Variants in CSGALNACT1 observed in about 807,000 individuals in gnomAD.
CSGALNACT1 encodes beta4GalNAcT-1.
Under a neutral mutation model 51.0 loss-of-function variants are expected in CSGALNACT1, and 52 were observed. The observed-to-expected ratio is 1.02, with a 90% CI of 0.82 to 1.29. The LOEUF is 1.29. CSGALNACT1 is among the 50% of genes most tolerant of loss of function. The pLI, the probability that CSGALNACT1 is intolerant of heterozygous loss-of-function variation, is 0.00. For synonymous variants in CSGALNACT1, 341 were observed against 254.4 expected (o/e 1.34, Z -3.24); for missense variants, 935 against 679.2 (o/e 1.38, Z -4.19).
At chr8:19,462,646 C>A (rs889549742) in intron 4 of CSGALNACT1, among the ~76,000 whole-genome samples, 1 of 152,180 alleles carries the variant, frequency 6.6e-6, no homozygotes, top group Non-Finnish European at 1.5e-5. Context: ...GGTCACAGCA[C>A]CCAGGCTCAC....
rs1368493557 is a variant in CSGALNACT1 at position 19,439,974 on chromosome 8, C to CTGACAGGCA, written c.852-52_852-44dup. 9.4e-6 allele frequency: 14 copies of CTGACAGGCA among 1,487,144 alleles called. No individual in the cohort carries two copies. In the Admixed American group the frequency reaches 2.3e-4, roughly 25 times the overall value. 92.1% of individuals were successfully genotyped at this position (1,487,144 alleles called of 1,614,324 possible). A position where few individuals can be genotyped will look rare whatever the true frequency, so the allele number is the denominator to read the frequency against. ...TGCATGTCTGGCACCTGTTTTCACACTGACAGGCACAGCACAAACCAATAC... is the reference window on the plus strand; with the variant it reads ...TGCATGTCTGGCACCTGTTTTCACACTGACAGGCATGACAGGCACAGCACAAACCAATAC... On this transcript the variant is annotated intron_variant, in intron 5 of 9. Coordinates refer to ENST00000454498, the Ensembl canonical transcript of CSGALNACT1.
At chr8:19,644,333 C>G (rs1352977363) in intron 1 of CSGALNACT1, among the ~76,000 whole-genome samples, 1 of 148,816 alleles carries the variant, frequency 6.7e-6, no homozygotes, top group African/African-American at 2.5e-5. Context: ...TAGTATATTT[C>G]TTTTTTGTTT....
intron 1 of CSGALNACT1, chr8:19,641,900 C>T (rs551457421): frequency 1.3e-5 from 2 of 152,286 alleles, no homozygotes; most frequent in Admixed American, 6.5e-5. Context: ...TTTGTGGGCT[C>T]CATGAGGTTT....
At chr8:19,532,083 T>C (rs1329973921) in intron 3 of CSGALNACT1, 1 of 152,162 alleles carries the variant, frequency 6.6e-6, no homozygotes, top group Admixed American at 6.5e-5. Flanking sequence ...CTGTAAATTC[T>C]AGGCTCTGTT....
chr8:19,605,573 G>T (rs1051896874), upstream of CSGALNACT1, among the ~76,000 whole-genome samples: 1 of 152,172 alleles, frequency 6.6e-6, no homozygotes, highest in Non-Finnish European at 1.5e-5. Flanking sequence ...GAGCATTATG[G>T]AAGAGCTCAT....
At chr8:19,431,806 C>CT (rs1475369541) in intron 6 of CSGALNACT1, among the ~76,000 whole-genome samples, 1 of 112,424 alleles carries the variant, frequency 8.9e-6, no homozygotes, top group Admixed American at 1.1e-4. Context: ...GTGGAAAGTT[C>CT]TTTTTTCTTT....
chr8:19,748,526 G>A (rs552081959), intron 1 of CSGALNACT1, among the ~76,000 whole-genome samples: 6 of 152,018 alleles, frequency 3.9e-5, no homozygotes, highest in South Asian at 4.2e-4. Context: ...TTTCTTTCCC[G>A]TCCCTCTCTG....
At chr8:19,604,745 T>TAAAAA (rs36019022), upstream of CSGALNACT1, among the ~76,000 whole-genome samples, 3 of 130,334 alleles carry the variant, frequency 2.3e-5, no homozygotes, top group African/African-American at 5.8e-5. Context: ...GTCTCTACTT[T>TAAAAA]AAAAAAAAAA....
At chr8:19,705,214 G>T (rs2062090106) in intron 1 of CSGALNACT1, among the ~76,000 whole-genome samples, 1 of 151,994 alleles carries the variant, frequency 6.6e-6, no homozygotes, top group Non-Finnish European at 1.5e-5. Flanking sequence ...CAATAAACTT[G>T]GGGGAAAAAC....
chr8:19,589,236 A>C (rs2047292992), intron 3 of CSGALNACT1, among the ~76,000 whole-genome samples: 2 of 152,182 alleles, frequency 1.3e-5, no homozygotes, highest in African/African-American at 2.4e-5. Context: ...TCCTCTGAAA[A>C]CGTCAGACTA....
intron 2 of CSGALNACT1, among the ~76,000 whole-genome samples, chr8:19,598,722 A>G (rs1343897903): frequency 6.6e-6 from 1 of 152,200 alleles, no homozygotes; most frequent in African/African-American, 2.4e-5. Context: ...ATGGGAAAGG[A>G]AAGTTCTGCG....
intron 1 of CSGALNACT1, among the ~76,000 whole-genome samples, chr8:19,673,263 T>C (rs1167870748): frequency 6.6e-6 from 1 of 152,192 alleles, no homozygotes; most frequent in Non-Finnish European, 1.5e-5. Context: ...TGAGTATTGG[T>C]GCTACGTAAC....
At chr8:19,743,754 A>G (rs1197042270) in intron 1 of CSGALNACT1, among the ~76,000 whole-genome samples, 3 of 152,248 alleles carry the variant, frequency 2.0e-5, no homozygotes, top group Non-Finnish European at 4.4e-5. Context: ...GCTCCATTGA[A>G]TAAAATTAAT....
At chr8:19,690,320 A>T (rs980456140) in intron 1 of CSGALNACT1, among the ~76,000 whole-genome samples, 1 of 152,338 alleles carries the variant, frequency 6.6e-6, no homozygotes, top group East Asian at 1.9e-4. Flanking sequence ...CGTTATCCAG[A>T]TTAATTCTCC....
chr8:19,595,485 C>A (rs1421278894), intron 2 of CSGALNACT1, among the ~76,000 whole-genome samples: 1 of 152,022 alleles, frequency 6.6e-6, no homozygotes, highest in Non-Finnish European at 1.5e-5. Flanking sequence ...TTCAAATTAC[C>A]ATTTATTTTA....
chr8:19,577,977 C>A (rs748541745), intron 3 of CSGALNACT1, among the ~76,000 whole-genome samples: 2 of 152,204 alleles, frequency 1.3e-5, no homozygotes, highest in African/African-American at 2.4e-5. Flanking sequence ...TGCGGAATAA[C>A]TGGATCCCAT....
intron 8 of CSGALNACT1, among the ~76,000 whole-genome samples, chr8:19,415,303 C>A (rs903684093): frequency 6.6e-6 from 1 of 152,200 alleles, no homozygotes; most frequent in Non-Finnish European, 1.5e-5. Context: ...ACTGGTTTGT[C>A]CAGTAAAAAA....
intron 1 of CSGALNACT1, among the ~76,000 whole-genome samples, chr8:19,665,542 C>T (rs11992569): frequency 0.2 from 30,425 of 152,070 alleles, 3,197 homozygotes; most frequent in East Asian, 0.37. Context: ...TTGAAATCTC[C>T]CTGAGGATGA....
chr8:19,435,869 C>G (rs994383016), intron 6 of CSGALNACT1, among the ~76,000 whole-genome samples: 7 of 152,122 alleles, frequency 4.6e-5, no homozygotes, highest in Admixed American at 4.6e-4. Context: ...TATTACGCAT[C>G]CTTATGCAGC....
Sources: allele counts gnomAD v4.1 joint callset (sites outside exome capture counted in the v4.1 genomes callset), GRCh38; gene constraint gnomAD v4.1.1; transcripts MANE v1.5; gene names NCBI Gene and HGNC (gene_info 2026-07-23, HGNC 2026-07-21).